The following DUSP15 variants were observed in gnomAD, a reference collection of about 807,000 sequenced individuals.
The protein encoded by DUSP15 is dual specificity phosphatase 15.
DUSP15 carries 23 observed loss-of-function variants against 26.3 expected under a neutral mutation model. That is an observed-to-expected ratio of 0.87 (90% CI 0.63 to 1.24). DUSP15 has a LOEUF of 1.24. Among genes scored for constraint, DUSP15 ranks in the 50% most tolerant of loss-of-function variants. The probability of loss-of-function intolerance (pLI) is 0.00; values close to 1 mark genes in which losing one functional copy is unlikely to be tolerated. For missense variants in DUSP15, 364 were observed against 320.6 expected, an observed-to-expected ratio of 1.14 and a Z score of -1.03; for synonymous variants, 143 against 135.5, an observed-to-expected ratio of 1.06 and a Z score of -0.39.
rs559367471 is a variant in DUSP15, at chr20:31,863,999, AG to A, written c.189-19del. ...GCTTTTTGCTAGAGGAGAAAGCAATAGGGTAGGGAGCACTGCAGGGCAGACC... is the reference window on the plus strand; with the variant it reads ...GCTTTTTGCTAGAGGAGAAAGCAATAGGTAGGGAGCACTGCAGGGCAGACC... On this transcript the variant is annotated intron_variant, in intron 4 of 6. Transcript: ENST00000339738. 8 of 1,613,316 alleles carry A rather than the reference AG, an allele frequency of 5.0e-6. No individual in the cohort carries two copies. The highest frequency in any genetic ancestry group is 6.8e-6 in the Non-Finnish European group (8 of 1,179,252).
intron 6 of DUSP15, among the ~76,000 whole-genome samples, chr20:31,852,986 G>A (rs1348387837): frequency 6.6e-6 from 1 of 151,968 alleles, no homozygotes; most frequent in Non-Finnish European, 1.5e-5. Flanking sequence ...GAGGATTGGG[G>A]ATGGGGGCCT....
chr20:31,859,132 G>C (rs913493354), downstream of DUSP15, among the ~76,000 whole-genome samples: 2 of 152,126 alleles, frequency 1.3e-5, no homozygotes, highest in Non-Finnish European at 2.9e-5. Context: ...AGAGCTAGTG[G>C]GTGGTGGAGC....
At position 31,861,187 on chromosome 20, in the gene DUSP15, G is replaced by A; in HGVS notation, c.*216C>T. The A allele has an allele frequency of 7.4e-7, 1 of 1,348,436 alleles. No individual in the cohort carries two copies. The highest frequency in any genetic ancestry group is 9.5e-7 in the Non-Finnish European group (1 of 1,056,892). 83.5% of individuals were successfully genotyped at this position (1,348,436 alleles called of 1,614,324 possible). A position where few individuals can be genotyped will look rare whatever the true frequency, so the allele number is the denominator to read the frequency against. ...CCCCTCCCCCAGCCCAAGGACTAAG[G>A]CACCAGGTGGCTGCAGCAGGCCGGC... On this transcript the variant is annotated 3_prime_UTR_variant, in exon 7 of 7. Transcript: ENST00000339738.
intron 2 of DUSP15, 125 bp from the exon 3 acceptor site, chr20:31,867,278 T>C (rs1321566023): frequency 5.1e-6 from 4 of 781,228 alleles, no homozygotes; most frequent in Admixed American, 2.1e-5. Context: ...GCCCACGCTC[T>C]GCCGGCTCCC....
At chr20:31,850,673 C>A in exon 7 of DUSP15, 2 of 1,611,112 alleles carry the variant, frequency 1.2e-6, no homozygotes, top group Non-Finnish European at 8.5e-7. Context: ...CTATGTCTGG[C>A]ACCCTGGTGA....
rs1396683331 is a variant in DUSP15, at chr20:31,862,600, C to T, written c.406G>A (p.Glu136Lys). Residue 136 changes from glutamate (E) to lysine (K), a missense_variant, in exon 6 of 7, where the codon GAA (glutamate) becomes AAA (lysine). Physicochemically the swap from Glu to Lys is moderately conservative, Grantham distance 56. Coordinates refer to ENST00000339738, the MANE Select transcript of DUSP15 (RefSeq NM_080611.5). ...TGGGAACTGGCCCAGCCAAACTCTT[C>T]AAGCTGCTGCCTAAAGCCTGGGTTG... ...NPNPGFRQQLEEFGWASSQKL... is the reference protein window; with the variant it reads ...NPNPGFRQQLKEFGWASSQKL... 3.1e-6 allele frequency: 5 copies of T among 1,613,472 alleles called. No homozygotes were observed. The highest frequency in any genetic ancestry group is 3.4e-6 in the Non-Finnish European group (4 of 1,179,682).
chr20:31,870,381 C>A lies in DUSP15; in HGVS notation c.-44G>T. ...CCGGGTGCACCCCCAGCTCGCCGCC[C>A]GGGAAGCGATCCGGTCACAGCTGCC... On this transcript the variant is annotated 5_prime_UTR_variant, in exon 1 of 7. Transcript: ENST00000339738. The surrounding 1 kb of genome is among the most constrained non-coding windows in gnomAD (Gnocchi z 6.6). 2 of 1,279,652 alleles carry A rather than the reference C, an allele frequency of 1.6e-6. No homozygotes were observed. Among genetic ancestry groups the A allele is most frequent in the Non-Finnish European group, 2.0e-6 (2 of 1,013,706 alleles). The allele number at this position is 1,279,652 out of a possible 1,614,324, so 79.3% of individuals were successfully genotyped here. A position where few individuals can be genotyped will look rare whatever the true frequency, so the allele number is the denominator to read the frequency against.
chr20:31,845,773 C>T (rs1034918578), downstream of DUSP15, among the ~76,000 whole-genome samples: 2 of 152,220 alleles, frequency 1.3e-5, no homozygotes, highest in African/African-American at 4.8e-5. Context: ...AGCCGAGCAG[C>T]TGCCAGGGAT....
At chr20:31,869,980 GC>G in intron 1 of DUSP15, 1 of 1,342,710 alleles carries the variant, frequency 7.4e-7, no homozygotes, top group Non-Finnish European at 9.5e-7. Context: ...TGGAGAAACA[GC>G]CCCGGAGAGA....
chr20:31,846,997 G>A (rs1372246003), downstream of DUSP15, among the ~76,000 whole-genome samples: 1 of 152,156 alleles, frequency 6.6e-6, no homozygotes, highest in Non-Finnish European at 1.5e-5. Flanking sequence ...GCAGCCTGGG[G>A]TCGGGAGGTC....
downstream of DUSP15, among the ~76,000 whole-genome samples, chr20:31,846,442 T>TAGAGAG (rs71185371): frequency 0.022 from 2,369 of 107,696 alleles, 33 homozygotes; most frequent in African/African-American, 0.052. Flanking sequence ...AAGGAATGAA[T>TAGAGAG]AGAGAGAGAG....
Position 31,870,454 on chromosome 20 carries a change from C to A in DUSP15, c.-117G>T. ...TGCAGCCTGGCGGGGAACGGGGGGC[C>A]TGGCGTCCGCGGCCCTGCCCAGCCC... On this transcript the variant is annotated 5_prime_UTR_variant, in exon 1 of 7. It adds an upstream start codon to the 5' untranslated region. Transcript: ENST00000339738. The surrounding 1 kb of genome is among the most constrained non-coding windows in gnomAD (Gnocchi z 6.6). 7.8e-7 allele frequency: 1 copy of A among 1,284,648 alleles called. No individual in the cohort carries two copies. Among genetic ancestry groups the A allele is most frequent in the Non-Finnish European group, 9.8e-7 (1 of 1,020,208 alleles). The allele number at this position is 1,284,648 out of a possible 1,614,324, so 79.6% of individuals were successfully genotyped here.
At chr20:31,862,410 A>C (rs2062679847) in intron 6 of DUSP15, among the ~76,000 whole-genome samples, 161 bp downstream of exon 6, 1 of 152,154 alleles carries the variant, frequency 6.6e-6, no homozygotes, top group South Asian at 2.1e-4. Flanking sequence ...GTCTAACAAA[A>C]TACACCTAGG....
downstream of DUSP15, among the ~76,000 whole-genome samples, chr20:31,846,464 G>GAA (rs2062379385): frequency 6.6e-6 from 1 of 150,752 alleles, no homozygotes; most frequent in African/African-American, 2.5e-5. Context: ...GAGAGAGAGA[G>GAA]AGAGAGAGAG....
At chr20:31,855,062 A>C (rs2062539036) in intron 6 of DUSP15, among the ~76,000 whole-genome samples, 1 of 152,254 alleles carries the variant, frequency 6.6e-6, no homozygotes, top group Admixed American at 6.5e-5. Context: ...CCCAGAAGGC[A>C]TATGACAGCT....
chr20:31,851,724 C>G (rs1191507538), intron 6 of DUSP15, among the ~76,000 whole-genome samples: 1 of 152,058 alleles, frequency 6.6e-6, no homozygotes, highest in Non-Finnish European at 1.5e-5. Flanking sequence ...GGTGACTGAG[C>G]TGGCAAGGCT....
At chr20:31,861,736 C>CGGGGGGGGG in intron 6 of DUSP15, 61 bp from the exon 7 acceptor site, 1 of 1,290,390 alleles carries the variant, frequency 7.7e-7, no homozygotes. Flanking sequence ...TCAAGGCAGC[C>CGGGGGGGGG]GGCCCCGCCC....
chr20:31,848,802 T>A (rs760326115), intron 9 of DUSP15: 5 of 1,608,164 alleles, frequency 3.1e-6, no homozygotes. Context: ...AAGGAGTGAC[T>A]CACGTCCGCC....
chr20:31,856,244 A>T (rs1476433618), downstream of DUSP15, among the ~76,000 whole-genome samples: 4 of 152,036 alleles, frequency 2.6e-5, no homozygotes, highest in Non-Finnish European at 5.9e-5. Flanking sequence ...AAATGAAAGG[A>T]GCTACAGTTG....
Sources: allele counts gnomAD v4.1 joint callset (sites outside exome capture counted in the v4.1 genomes callset), GRCh38; gene constraint gnomAD v4.1.1; non-coding constraint Gnocchi (gnomAD v3.1); transcripts MANE v1.5; gene names NCBI Gene and HGNC (gene_info 2026-07-23, HGNC 2026-07-21).